The following RUNX1 variants were observed in gnomAD, a reference collection of about 807,000 sequenced individuals.
The protein encoded by RUNX1 is RUNX family transcription factor 1, also known as runt-related transcription factor 1.
In RUNX1, 19 loss-of-function variants were observed where a neutral mutation model predicts 42.8. The ratio of observed to expected loss-of-function variants is 0.44; its 90% confidence interval spans 0.31 to 0.65. RUNX1 has a LOEUF of 0.65. RUNX1 is among the 30% of genes least tolerant of loss of function. RUNX1 has a pLI of 0.07. For missense variants in RUNX1, 528 were observed against 672.0 expected (o/e 0.79, Z 2.37); for synonymous variants, 271 against 289.4 (o/e 0.94, Z 0.64).
chr21:34,928,038 C>G (rs903469260), intron 2 of RUNX1, among the ~76,000 whole-genome samples: 3 of 152,150 alleles, frequency 2.0e-5, no homozygotes, highest in African/African-American at 7.2e-5. Flanking sequence ...CAAGTAACTT[C>G]AATAAGCGGC....
chr21:34,904,595 A>G (rs7364037), intron 2 of RUNX1, among the ~76,000 whole-genome samples: 42,206 of 152,074 alleles, frequency 0.28, 6,686 homozygotes, highest in African/African-American at 0.43. Flanking sequence ...CACTAATCTT[A>G]AGTAACTACA....
At chr21:34,845,074 A>G (rs570035373) in intron 6 of RUNX1, among the ~76,000 whole-genome samples, 1 of 152,362 alleles carries the variant, frequency 6.6e-6, no homozygotes, top group African/African-American at 2.4e-5. Flanking sequence ...AGAAGCAGCC[A>G]CCTGCTGAGA....
chr21:34,854,268 C>T (rs546235828), intron 6 of RUNX1, among the ~76,000 whole-genome samples: 7 of 152,172 alleles, frequency 4.6e-5, no homozygotes, highest in Admixed American at 3.3e-4. Flanking sequence ...CAACCAAGTA[C>T]TTTAAAAAGT....
At chr21:34,829,725 C>G (rs190045394) in intron 7 of RUNX1, 12 of 152,330 alleles carry the variant, frequency 7.9e-5, no homozygotes, top group African/African-American at 2.9e-4. Flanking sequence ...GTAGCCTCCA[C>G]TTTCAAGGTA....
At chr21:34,973,750 C>T (rs897105674) in intron 2 of RUNX1, among the ~76,000 whole-genome samples, 11 of 152,192 alleles carry the variant, frequency 7.2e-5, no homozygotes, top group South Asian at 4.1e-4. Context: ...GGGCAAATGG[C>T]TCATCTGACA....
At chr21:35,012,783 A>T (rs73900779) in intron 2 of RUNX1, among the ~76,000 whole-genome samples, 1 of 152,312 alleles carries the variant, frequency 6.6e-6, no homozygotes, top group African/African-American at 2.4e-5. Flanking sequence ...AAGAGAAAGG[A>T]AAGTGTTCTC....
intron 2 of RUNX1, among the ~76,000 whole-genome samples, chr21:34,944,991 T>C (rs2058554134): frequency 6.6e-6 from 1 of 152,218 alleles, no homozygotes; most frequent in East Asian, 1.9e-4. Context: ...TTTCCAATGT[T>C]ACCTTCTAAA....
At position 35,035,019 on chromosome 21, in the gene RUNX1, C is replaced by T. The variant is rs891153588; in HGVS notation, c.58+13823G>A. Among the ~76,000 whole-genome samples the T allele has an allele frequency of 6.6e-5, 10 of 152,176 alleles. 1 individual carries two copies. Among genetic ancestry groups the T allele is most frequent in the South Asian group, 6.2e-4 (3 of 4,830 alleles). On this transcript the variant is annotated intron_variant, in intron 2 of 8. Transcript: ENST00000675419. ...GTACAAGGATGCATTAGTGACCACG[C>T]GCACTCACTGGGATAACCCACTTGG...
At chr21:34,889,577 G>T in intron 3 of RUNX1, 1 of 802,630 alleles carries the variant, frequency 1.2e-6, no homozygotes, top group Non-Finnish European at 1.6e-6. Flanking sequence ...CAGCCGGACA[G>T]CCTGCCCGGG....
chr21:34,821,754 G>T, intron 7 of RUNX1: 1 of 1,489,628 alleles, frequency 6.7e-7, no homozygotes, highest in Non-Finnish European at 9.1e-7. Context: ...ATTCTTTATA[G>T]AGCCGCGAAT....
chr21:35,042,171 G>A lies in RUNX1; in HGVS notation c.58+6671C>T, dbSNP rs141047054. 2.6e-3 allele frequency among the ~76,000 whole-genome samples: 403 copies of A among 152,248 alleles called. 4 individuals carry two copies. Among genetic ancestry groups the A allele is most frequent in the African/African-American group, 9.0e-3 (375 of 41,528 alleles). On this transcript the variant is annotated intron_variant, in intron 2 of 8. Coordinates refer to ENST00000675419, the MANE Select transcript of RUNX1 (RefSeq NM_001754.5). ...ATTTGGGGCTTTGACACTGAAAATA[G>A]GTGTGAACTTGGATCCATTTAACCT...
At chr21:34,892,854 G>T in intron 3 of RUNX1, 71 bp downstream of exon 3, 1 of 888,764 alleles carries the variant, frequency 1.1e-6, no homozygotes, top group South Asian at 1.4e-5. Flanking sequence ...GAGATACATA[G>T]ATATAAAATC....
chr21:35,029,473 G>A (rs1335017794), intron 2 of RUNX1, among the ~76,000 whole-genome samples: 1 of 152,150 alleles, frequency 6.6e-6, no homozygotes, highest in African/African-American at 2.4e-5. Flanking sequence ...AAGGCATTGG[G>A]CAGGTGAGTG....
Position 34,919,679 on chromosome 21 carries a change from CTCCTT to C in RUNX1, c.59-26721_59-26717del, listed in dbSNP as rs1433667176. ...ATACTTTCTTCTTCGATTGAGTGGTCTCCTTATAGAATTGAAACAAAATTAGATTC... is the reference window on the plus strand; with the variant it reads ...ATACTTTCTTCTTCGATTGAGTGGTCATAGAATTGAAACAAAATTAGATTC... On this transcript the variant is annotated intron_variant, in intron 2 of 8. Transcript: ENST00000675419. Among the ~76,000 whole-genome samples the C allele has an allele frequency of 2.0e-5, 3 of 152,168 alleles. No individual in the cohort carries two copies. In the East Asian group the frequency reaches 5.8e-4, roughly 29 times the overall value.
rs549064735 is a variant in RUNX1 at position 34,987,150 on chromosome 21, A to G, written c.58+61692T>C. Among the ~76,000 whole-genome samples, 9 of 152,334 alleles carry G rather than the reference A, an allele frequency of 5.9e-5. No homozygotes were observed. The South Asian group carries it at 1.2e-3, about 21-fold the overall frequency. On this transcript the variant is annotated intron_variant, in intron 2 of 8. Transcript: ENST00000675419. ...CTGAAAGAGGAACGTTGTTTTGACT[A>G]GGCTCGGGGTTTCTAAACTCCCCAC...
Position 34,792,407 on chromosome 21 carries a change from C to G in RUNX1, c.1171G>C (p.Ala391Pro), listed in dbSNP as rs773725073. 1 of 1,567,454 alleles carries G rather than the reference C, an allele frequency of 6.4e-7. No individual in the cohort carries two copies. Among genetic ancestry groups the G allele is most frequent in the Non-Finnish European group, 8.6e-7 (1 of 1,156,286 alleles). ...LPPPYPGSSQ[A>P]QGGPFQASSP... Reference sequence around the variant, plus strand: ...CTGGCTTGGAACGGGCCTCCCTGCGCTTGCGACGAGCCGGGGTAGGGCGGC... The same window carrying G: ...CTGGCTTGGAACGGGCCTCCCTGCGGTTGCGACGAGCCGGGGTAGGGCGGC... The change falls in exon 9 of 9, where the codon GCG (alanine) becomes CCG (proline). Residue 391 changes from alanine (A) to proline (P), a missense_variant. Physicochemically the swap from Ala to Pro is conservative, Grantham distance 27 (BLOSUM62 -1). Coordinates refer to ENST00000675419, the MANE Select transcript of RUNX1 (RefSeq NM_001754.5). This position sits in a 1 kb window ranked among gnomAD's most constrained non-coding sequence, Gnocchi z 6.9.
intron 2 of RUNX1, among the ~76,000 whole-genome samples, chr21:34,983,172 C>G (rs1238282195): frequency 6.6e-6 from 1 of 152,190 alleles, no homozygotes; most frequent in African/African-American, 2.4e-5. Flanking sequence ...TTGAACCCAC[C>G]AAATCATACT....
At chr21:34,995,366 A>G (rs995668632) in intron 2 of RUNX1, among the ~76,000 whole-genome samples, 1 of 149,768 alleles carries the variant, frequency 6.7e-6, no homozygotes, top group East Asian at 1.9e-4. Context: ...TTCCTAACTG[A>G]AAAAAAAAAG....
rs1208641167 is a variant in RUNX1, at chr21:34,907,374, T to C, written c.59-14411A>G. Among the ~76,000 whole-genome samples, 1 of 152,164 alleles carries C rather than the reference T, an allele frequency of 6.6e-6. No homozygotes were observed. Among genetic ancestry groups the C allele is most frequent in the Non-Finnish European group, 1.5e-5 (1 of 68,020 alleles). ...AATAATAATAATAACAAAAGCAAGG[T>C]AAGAAGAAGAAATAGAACAGAATAA... is the stretch of plus-strand genomic sequence containing the variant. On this transcript the variant is annotated intron_variant, in intron 2 of 8. Transcript: ENST00000675419. The surrounding 1 kb of genome is among the most constrained non-coding windows in gnomAD (Gnocchi z 5.3).
Sources: gnomAD v4.1 joint callset for allele counts (sites outside exome capture counted in the v4.1 genomes callset) on GRCh38, gnomAD v4.1.1 for gene constraint, Gnocchi (gnomAD v3.1) non-coding constraint, MANE v1.5 for transcripts, NCBI Gene and HGNC (gene_info 2026-07-23, HGNC 2026-07-21) for gene names.